PAK2: variants seen among roughly 807,000 people sequenced by gnomAD.
PAK2 encodes the protein serine/threonine-protein kinase PAK 2.
PAK2 carries 21 observed loss-of-function variants against 65.9 expected under a neutral mutation model. That is an observed-to-expected ratio of 0.32 (90% CI 0.23 to 0.46). The LOEUF (loss-of-function observed/expected upper bound fraction) is 0.46, where lower values mean the gene tolerates loss of function less well. Ranked by LOEUF, PAK2 falls within the 20% of genes least tolerant of loss-of-function variation. PAK2 has a pLI of 1.00. For synonymous variants in PAK2, 204 were observed against 219.7 expected, an observed-to-expected ratio of 0.93 and a Z score of 0.63; for missense variants, 324 against 642.6, an observed-to-expected ratio of 0.50 and a Z score of 5.36.
intron 5 of PAK2, among the ~76,000 whole-genome samples, 179 bp from the exon 6 acceptor site, chr3:196,806,400 A>C (rs1018518321): frequency 1.3e-5 from 2 of 152,206 alleles, no homozygotes; most frequent in African/African-American, 4.8e-5. Context: ...CATGATTCAT[A>C]GAATCGCCTT....
At chr3:196,752,762 G>C (rs1713644862) in intron 1 of PAK2, among the ~76,000 whole-genome samples, 1 of 151,956 alleles carries the variant, frequency 6.6e-6, no homozygotes, top group South Asian at 2.1e-4. Context: ...CACCACGCCT[G>C]GCTAATTTTT....
intron 1 of PAK2, among the ~76,000 whole-genome samples, chr3:196,748,683 A>G (rs1713472081): frequency 6.6e-6 from 1 of 152,182 alleles, no homozygotes; most frequent in African/African-American, 2.4e-5. Context: ...AGCACTGAAT[A>G]ATATTCCATT....
chr3:196,812,256 C>A lies in PAK2; in HGVS notation c.811C>A (p.Leu271Met). 1 of 1,581,842 alleles carries A rather than the reference C, an allele frequency of 6.3e-7. No individual in the cohort carries two copies. Among genetic ancestry groups the A allele is most frequent in the Non-Finnish European group, 8.7e-7 (1 of 1,150,908 alleles). Residue 271 changes from leucine to methionine, a missense_variant, in exon 9 of 15, where the codon CTG (leucine) becomes ATG (methionine). Physicochemically the swap from Leu to Met is conservative, Grantham distance 15 (BLOSUM62 2). Coordinates refer to ENST00000327134, the MANE Select transcript of PAK2 (RefSeq NM_002577.4). ...GTVFTATDVA[L>M]GQEVAIKQIN... is the part of the protein sequence containing the mutation. ...AGTTTTCACTGCTACTGACGTTGCA[C>A]TGGGACAGGAGGTAGTTACTTTGTT...
chr3:196,777,328 C>T (rs957354260), intron 1 of PAK2, among the ~76,000 whole-genome samples: 5 of 152,030 alleles, frequency 3.3e-5, no homozygotes, highest in Admixed American at 1.3e-4. Flanking sequence ...CTCAGCCGCC[C>T]GAGTAGCTGG....
At position 196,804,858 on chromosome 3, in the gene PAK2, T is replaced by TAC. The variant is rs1227157882; in HGVS notation, c.437-480_437-479dup. Among the ~76,000 whole-genome samples, 1,214 of 150,418 alleles carry TAC rather than the reference T, an allele frequency of 8.1e-3. 11 individuals are homozygous for TAC. The highest frequency in any genetic ancestry group is 0.031 in the South Asian group (150 of 4,766). On this transcript the variant is annotated intron_variant, in intron 4 of 14. Coordinates refer to ENST00000327134, the MANE Select transcript of PAK2 (RefSeq NM_002577.4). The stretch of plus-strand genomic sequence containing the variant: ...ATATATATATATACACACACACATA[T>TAC]ACACACACACACACATATATGTATG...
intron 2 of PAK2, among the ~76,000 whole-genome samples, chr3:196,799,663 T>C (rs1715359247): frequency 6.6e-6 from 1 of 152,164 alleles, no homozygotes. Flanking sequence ...AAATGAACTT[T>C]TATTTTTTTG....
At chr3:196,765,380 C>T (rs1009450057) in intron 1 of PAK2, among the ~76,000 whole-genome samples, 1 of 151,936 alleles carries the variant, frequency 6.6e-6, no homozygotes, top group Admixed American at 6.6e-5. Context: ...GAACTCCTGG[C>T]CTCAAGCAAT....
In PAK2 at chr3:196,764,444, C is replaced by T. The variant is rs547005512; in HGVS notation, c.-21-18182C>T. 4.6e-5 allele frequency among the ~76,000 whole-genome samples: 7 copies of T among 151,668 alleles called. 1 individual carries two copies. In the South Asian group the frequency reaches 6.3e-4, roughly 14 times the overall value. ...CAGCCTGGCCAACATGGTGTGAAGC[C>T]GCATCTCTACTAAAAATACAAAAAA... is the stretch of plus-strand genomic sequence containing the variant. On this transcript the variant is annotated intron_variant, in intron 1 of 14. Transcript: ENST00000327134.
At chr3:196,752,566 ATCT>A (rs1329011371) in intron 1 of PAK2, among the ~76,000 whole-genome samples, 7 of 151,880 alleles carry the variant, frequency 4.6e-5, no homozygotes, top group African/African-American at 1.7e-4. Context: ...TTCTAATTCC[ATCT>A]TCTTTTGGTA....
At chr3:196,743,337 G>T (rs1003728282) in intron 1 of PAK2, among the ~76,000 whole-genome samples, 10 of 152,100 alleles carry the variant, frequency 6.6e-5, no homozygotes, top group African/African-American at 2.2e-4. Context: ...AATTCTTGCT[G>T]TTCTACTTTA....
At position 196,810,666 on chromosome 3, in the gene PAK2, G is replaced by T; in HGVS notation, c.773+13G>T. On this transcript the variant is annotated intron_variant, in intron 8 of 14. Transcript: ENST00000327134. ...AAATTGGACAAGGGTAAGTATTTGT[G>T]ACTGTATTACGATAATATTCAGTAT... 7.9e-7 allele frequency: 1 copy of T among 1,267,560 alleles called. No homozygotes were observed. The highest frequency in any genetic ancestry group is 1.2e-5 in the South Asian group (1 of 83,878). 78.5% of individuals were successfully genotyped at this position (1,267,560 alleles called of 1,614,324 possible).
Position 196,810,573 on chromosome 3 carries a change from CT to C in PAK2, c.710-12del. 1.4e-6 allele frequency: 2 copies of C among 1,461,594 alleles called. No homozygotes were observed. Among genetic ancestry groups the C allele is most frequent in the South Asian group, 1.1e-5 (1 of 86,994 alleles). 90.5% of individuals were successfully genotyped at this position (1,461,594 alleles called of 1,614,324 possible). A position where few individuals can be genotyped will look rare whatever the true frequency, so the allele number is the denominator to read the frequency against. On this transcript the variant is annotated splice_polypyrimidine_tract_variant and intron_variant, in intron 7 of 14. Coordinates refer to ENST00000327134, the MANE Select transcript of PAK2 (RefSeq NM_002577.4). ...TTAAAATGCTTGACTGAGCTTCCAG[CT>C]TTTTGTTTATTCTAGGAACTATCGT... is the stretch of plus-strand genomic sequence containing the variant.
chr3:196,819,460 A>T lies in PAK2; in HGVS notation c.1154-911A>T, dbSNP rs1408509287. On this transcript the variant is annotated intron_variant, in intron 12 of 14. Coordinates refer to ENST00000327134, the MANE Select transcript of PAK2 (RefSeq NM_002577.4). The stretch of plus-strand genomic sequence containing the variant: ...TGTGACAAAAAATTTTAAAATAAAA[A>T]ATTTTTTAAATAGGCAGATGTACTA... Among the ~76,000 whole-genome samples the T allele has an allele frequency of 2.0e-5, 3 of 152,176 alleles. No homozygotes were observed. In the East Asian group the frequency reaches 5.8e-4, roughly 29 times the overall value.
At chr3:196,816,399 C>T (rs1716029651) in intron 11 of PAK2, among the ~76,000 whole-genome samples, 1 of 152,058 alleles carries the variant, frequency 6.6e-6, no homozygotes, top group African/African-American at 2.4e-5. Flanking sequence ...ACAATGCATG[C>T]TTGGTCACTG....
At position 196,820,690 on chromosome 3, in the gene PAK2, C is replaced by A; in HGVS notation, c.1350+123C>A. 2 of 480,616 alleles carry A rather than the reference C, an allele frequency of 4.2e-6. No individual in the cohort carries two copies. The highest frequency in any genetic ancestry group is 4.4e-5 in the South Asian group (1 of 22,578). 29.8% of individuals were successfully genotyped at this position (480,616 alleles called of 1,614,324 possible). On this transcript the variant is annotated intron_variant, in intron 13 of 14. Coordinates refer to ENST00000327134, the MANE Select transcript of PAK2 (RefSeq NM_002577.4). The surrounding 1 kb of genome is among the most constrained non-coding windows in gnomAD (Gnocchi z 4.6). ...AAGGTTGATAAAACCTAATCTCTGC[C>A]CCTAACTCTGCATCTAGAAATCATT... is the stretch of plus-strand genomic sequence containing the variant.
At chr3:196,752,776 T>G (rs557581641) in intron 1 of PAK2, among the ~76,000 whole-genome samples, 2 of 151,930 alleles carry the variant, frequency 1.3e-5, no homozygotes, top group East Asian at 3.9e-4. Flanking sequence ...AATTTTTATA[T>G]TTTTAGTAGA....
rs115481461 is a variant in PAK2, at chr3:196,791,041, G to T, written c.187+8208G>T. On this transcript the variant is annotated intron_variant, in intron 2 of 14. Transcript: ENST00000327134. This position sits in a 1 kb window ranked among gnomAD's most constrained non-coding sequence, Gnocchi z 4.0. ...ACTCCCCGGCCTTCCAAGCAGGTTTGCTTTTTTCTATTCCTATAATTTCTT... is the reference window on the plus strand; with the variant it reads ...ACTCCCCGGCCTTCCAAGCAGGTTTTCTTTTTTCTATTCCTATAATTTCTT... 8.1e-3 allele frequency among the ~76,000 whole-genome samples: 1,230 copies of T among 152,242 alleles called. 7 individuals carry two copies. Among genetic ancestry groups the T allele is most frequent in the African/African-American group, 0.028 (1,147 of 41,548 alleles).
intron 9 of PAK2, 121 bp downstream of exon 9, chr3:196,812,388 C>G (rs992433107): frequency 5.6e-6 from 4 of 719,756 alleles, no homozygotes; most frequent in South Asian, 3.0e-5. Context: ...AAGAATCGCT[C>G]TACGTATGTT....
chr3:196,761,728 G>A (rs1713972448), intron 1 of PAK2, among the ~76,000 whole-genome samples: 5 of 146,186 alleles, frequency 3.4e-5, no homozygotes. Flanking sequence ...TCCCAGTAGG[G>A]GCGGCCGGGC....
Sources: allele counts gnomAD v4.1 joint callset (sites outside exome capture counted in the v4.1 genomes callset), GRCh38; gene constraint gnomAD v4.1.1; non-coding constraint Gnocchi (gnomAD v3.1); transcripts MANE v1.5; gene names NCBI Gene and HGNC (gene_info 2026-07-23, HGNC 2026-07-21).